Variants in BDP1 observed in about 807,000 individuals in gnomAD.
The protein encoded by BDP1 is BDP1 general transcription factor IIIB subunit, also known as transcription factor TFIIIB component B'' homolog.
A neutral mutation model predicts 266.6 loss-of-function variants in BDP1; 169 were observed. That is an observed-to-expected ratio of 0.63 (90% CI 0.56 to 0.72). BDP1 has a LOEUF of 0.72. BDP1 is among the 30% of genes least tolerant of loss of function. BDP1 has a pLI of 0.00. For missense variants in BDP1, 3,015 were observed against 3,053.8 expected (o/e 0.99, Z 0.30); for synonymous variants, 1,090 against 1,022.4 (o/e 1.07, Z -1.26).
intron 21 of BDP1, among the ~76,000 whole-genome samples, chr5:71,516,921 T>C (rs1333032297): frequency 2.0e-5 from 3 of 152,204 alleles, no homozygotes; most frequent in Non-Finnish European, 2.9e-5. Flanking sequence ...ACTTTGTTTA[T>C]TTTTAATTTC....
downstream of BDP1, among the ~76,000 whole-genome samples, chr5:71,569,950 C>A (rs1744214096): frequency 6.6e-6 from 1 of 152,204 alleles, no homozygotes; most frequent in Admixed American, 6.5e-5. Flanking sequence ...TAGTAGGAAT[C>A]AACAGATCCC....
intron 26 of BDP1, among the ~76,000 whole-genome samples, chr5:71,535,121 C>T (rs1766509143): frequency 6.6e-6 from 1 of 152,090 alleles, no homozygotes; most frequent in Non-Finnish European, 1.5e-5. Flanking sequence ...GTATTAGTTT[C>T]CTAGGATCAC....
chr5:71,462,340 G>C (rs1761629324), intron 3 of BDP1, among the ~76,000 whole-genome samples: 1 of 152,140 alleles, frequency 6.6e-6, no homozygotes, highest in African/African-American at 2.4e-5. Context: ...CCAAAAACAT[G>C]TTGACAAAAT....
intron 7 of BDP1, among the ~76,000 whole-genome samples, chr5:71,471,715 C>A (rs1762265523): frequency 6.6e-6 from 1 of 152,200 alleles, no homozygotes; most frequent in South Asian, 2.1e-4. Flanking sequence ...TGTCATCACA[C>A]TATGTTGCCA....
chr5:71,522,587 C>T, intron 23 of BDP1, 97 bp downstream of exon 23: 1 of 1,217,378 alleles, frequency 8.2e-7, no homozygotes, highest in South Asian at 1.5e-5. Context: ...GTTTTGACTT[C>T]TGTACTGTAA....
chr5:71,502,587 T>C lies in BDP1; in HGVS notation c.2049-12T>C, dbSNP rs200907170. On this transcript the variant is annotated splice_polypyrimidine_tract_variant and intron_variant, in intron 14 of 38. Transcript: ENST00000358731. ...CAAAATAAACATTAATTTTATTTCT[T>C]TGTGGTTCTAGTTTGGGTGAAAAAA... 3.2e-6 allele frequency: 5 copies of C among 1,571,008 alleles called. No individual in the cohort carries two copies. The African/African-American group carries it at 4.1e-5, about 13-fold the overall frequency.
intron 11 of BDP1, among the ~76,000 whole-genome samples, chr5:71,491,896 T>G (rs1212600774): frequency 6.6e-6 from 1 of 152,136 alleles, no homozygotes; most frequent in Non-Finnish European, 1.5e-5. Flanking sequence ...TTCTTGTATT[T>G]TTGGTAGAGA....
In BDP1 at chr5:71,510,483, A is replaced by C. The variant is rs551650150; in HGVS notation, c.3391A>C (p.Thr1131Pro). ...TGREISPREK[T>P]PEVIDATEEI... is the part of the protein sequence containing the mutation. Reference sequence around the variant, plus strand: ...AAGGGAGATTTCCCCAAGGGAGAAGACACCAGAGGTGATTGATGCCACTGA... The same window carrying C: ...AAGGGAGATTTCCCCAAGGGAGAAGCCACCAGAGGTGATTGATGCCACTGA... The change falls in exon 17 of 39, where the codon ACA becomes CCA. Residue 1131 changes from threonine (T) to proline (P), a missense_variant. By Grantham distance (38) the Thr-to-Pro change is conservative. Around this residue, in one of 3 missense-constraint regions of BDP1, gnomAD observed 2,383 missense variants for 2,404.9 expected, o/e 0.99. Transcript: ENST00000358731. The C allele has an allele frequency of 2.0e-5, 33 of 1,613,286 alleles. No individual in the cohort carries two copies. In the South Asian group the frequency reaches 3.5e-4, roughly 17 times the overall value.
intron 34 of BDP1, among the ~76,000 whole-genome samples, chr5:71,552,045 C>T (rs2516431): frequency 6.6e-6 from 1 of 151,146 alleles, no homozygotes; most frequent in East Asian, 2.0e-4. Flanking sequence ...CGGGCGGAGA[C>T]GCTCCTCACT....
At position 71,523,941 on chromosome 5, in the gene BDP1, G is replaced by T. The variant is rs1170484680; in HGVS notation, c.5390G>T (p.Cys1797Phe). The change falls in exon 25 of 39, where the codon TGT (cysteine) becomes TTT (phenylalanine). Residue 1797 changes from cysteine to phenylalanine, a missense_variant and splice_region_variant. By Grantham distance (205) the Cys-to-Phe change is radical. Transcript: ENST00000358731. Reference protein sequence around the residue: ...EEQYLNKLTSCPQPLNETSYS... With the variant: ...EEQYLNKLTSFPQPLNETSYS... ...TGTTGTTTTGATTAAATATCTAGCT[G>T]TCCACAACCGTTAAACGAAACAAGT... is the stretch of plus-strand genomic sequence containing the variant. The T allele has an allele frequency of 1.3e-5, 21 of 1,610,890 alleles. 2 individuals are homozygous for T. In the South Asian group the frequency reaches 2.1e-4, roughly 16 times the overall value.
chr5:71,556,176 T>C (rs1256885355), intron 35 of BDP1, among the ~76,000 whole-genome samples: 1 of 152,168 alleles, frequency 6.6e-6, no homozygotes, highest in African/African-American at 2.4e-5. Flanking sequence ...CCTCATTGTA[T>C]GCAGTAATTT....
At chr5:71,544,229 T>G (rs1742084045) in intron 30 of BDP1, 128 bp from the exon 31 acceptor site, 1 of 801,320 alleles carries the variant, frequency 1.2e-6, no homozygotes, top group Admixed American at 2.8e-5. Flanking sequence ...AAGCCTGATT[T>G]GTGGAATAAG....
chr5:71,506,026 GCA>G (rs1205109900), intron 16 of BDP1, among the ~76,000 whole-genome samples: 1 of 152,178 alleles, frequency 6.6e-6, no homozygotes, highest in Non-Finnish European at 1.5e-5. Flanking sequence ...TTACTAATGT[GCA>G]CACAGTCTCT....
At chr5:71,522,160 A>G (rs1337103590) in intron 22 of BDP1, 129 bp from the exon 23 acceptor site, 2 of 677,058 alleles carry the variant, frequency 3.0e-6, no homozygotes, top group South Asian at 2.2e-5. Flanking sequence ...GCTTGATTTT[A>G]TTGCCAATTT....
chr5:71,461,762 A>G, intron 2 of BDP1, 55 bp from the exon 3 acceptor site: 2 of 985,762 alleles, frequency 2.0e-6, no homozygotes, highest in South Asian at 2.8e-5. Flanking sequence ...TGCATATAGT[A>G]CATCTGAAAT....
intron 32 of BDP1, among the ~76,000 whole-genome samples, chr5:71,547,105 A>G (rs917003679): frequency 1.3e-5 from 2 of 152,022 alleles, no homozygotes; most frequent in African/African-American, 2.4e-5. Context: ...TGCCCACCTC[A>G]GCCTCCCAAA....
Position 71,501,653 on chromosome 5 carries a change from T to C in BDP1, c.2048T>C (p.Val683Ala), listed in dbSNP as rs1332610848. Residue 683 changes from valine (V) to alanine (A), a missense_variant and splice_region_variant, in exon 14 of 39, where the codon GTT (valine) becomes GCT (alanine). By Grantham distance (64) the Val-to-Ala change is moderately conservative. Transcript: ENST00000358731. ...RENPEAETVS[V>A]LGEKNCLQEG... The stretch of plus-strand genomic sequence containing the variant: ...AATCCAGAAGCTGAAACTGTATCTG[T>C]GTGAGTATTCAGGAAGTAGTAAAAA... 7.1e-7 allele frequency: 1 copy of C among 1,400,756 alleles called. No homozygotes were observed. The highest frequency in any genetic ancestry group is 1.2e-5 in the South Asian group (1 of 81,186). 86.8% of individuals were successfully genotyped at this position (1,400,756 alleles called of 1,614,324 possible).
At chr5:71,520,605 A>C (rs572155055) in intron 22 of BDP1, among the ~76,000 whole-genome samples, 41 of 152,130 alleles carry the variant, frequency 2.7e-4, no homozygotes, top group Non-Finnish European at 5.0e-4. Flanking sequence ...TCAAAGAATT[A>C]TAGAATTTTA....
intron 34 of BDP1, among the ~76,000 whole-genome samples, chr5:71,552,009 A>C (rs1331728702): frequency 1.5e-5 from 2 of 131,566 alleles, no homozygotes; most frequent in Non-Finnish European, 3.2e-5. Flanking sequence ...GCTGACCCCC[A>C]CCTCCCTCCC....
Sources: allele counts gnomAD v4.1 joint callset (sites outside exome capture counted in the v4.1 genomes callset), GRCh38; gene constraint gnomAD v4.1.1; regional missense constraint gnomAD v4.1.1; transcripts MANE v1.5; gene names NCBI Gene and HGNC (gene_info 2026-07-23, HGNC 2026-07-21).